The following ALDH1A2 variants were observed in gnomAD, a reference collection of about 807,000 sequenced individuals.
ALDH1A2 encodes the protein aldehyde dehydrogenase 1 family member A2.
ALDH1A2 carries 27 observed loss-of-function variants against 60.3 expected under a neutral mutation model. That is an observed-to-expected ratio of 0.45 (90% CI 0.33 to 0.62). The LOEUF (loss-of-function observed/expected upper bound fraction) is 0.62. Ranked by LOEUF, ALDH1A2 falls within the 20% of genes least tolerant of loss-of-function variation. ALDH1A2 has a pLI of 0.02. For synonymous variants in ALDH1A2, 289 were observed against 232.4 expected (o/e 1.24, Z -2.21); for missense variants, 581 against 643.8 (o/e 0.90, Z 1.06).
At chr15:58,028,095 T>C (rs773535431) in intron 1 of ALDH1A2, among the ~76,000 whole-genome samples, 4 of 151,766 alleles carry the variant, frequency 2.6e-5, no homozygotes, top group Non-Finnish European at 5.9e-5. Flanking sequence ...GACACATAAA[T>C]CGCCAGATTC....
At chr15:58,058,653 A>G (rs1896953698) in intron 1 of ALDH1A2, among the ~76,000 whole-genome samples, 1 of 152,166 alleles carries the variant, frequency 6.6e-6, no homozygotes, top group South Asian at 2.1e-4. Context: ...TAGATAAGAA[A>G]CAGGTGTTTC....
At chr15:58,000,374 A>G (rs148380240) in intron 4 of ALDH1A2, among the ~76,000 whole-genome samples, 244 of 151,868 alleles carry the variant, frequency 1.6e-3, no homozygotes, top group African/African-American at 5.6e-3. Context: ...AGCTACTAAG[A>G]CCCTACTATG....
intron 1 of ALDH1A2, among the ~76,000 whole-genome samples, chr15:58,028,983 T>A (rs1437162622): frequency 6.6e-6 from 1 of 152,024 alleles, no homozygotes; most frequent in African/African-American, 2.4e-5. Context: ...CAATATTAGA[T>A]ACATCTACAA....
At chr15:58,002,415 T>A (rs1223689079) in intron 4 of ALDH1A2, among the ~76,000 whole-genome samples, 1 of 151,970 alleles carries the variant, frequency 6.6e-6, no homozygotes, top group African/African-American at 2.4e-5. Flanking sequence ...TTTGGATAAT[T>A]CATTCAAGGC....
Position 57,960,712 on chromosome 15 carries a change from C to T in ALDH1A2, c.1484+58G>A, listed in dbSNP as rs551528782. On this transcript the variant is annotated intron_variant, in intron 12 of 12. Coordinates refer to ENST00000249750, the MANE Select transcript of ALDH1A2 (RefSeq NM_003888.4). ...TAATTAAACTATTTTTTAAGTACTGCTCTGTGCTGATATTTGCAATCTATT... is the reference window on the plus strand; with the variant it reads ...TAATTAAACTATTTTTTAAGTACTGTTCTGTGCTGATATTTGCAATCTATT... 83 of 1,431,978 alleles carry T rather than the reference C, an allele frequency of 5.8e-5. No individual in the cohort carries two copies. The African/African-American group carries it at 9.7e-4, about 17-fold the overall frequency. The allele number at this position is 1,431,978 out of a possible 1,614,324, so 88.7% of individuals were successfully genotyped here.
intron 12 of ALDH1A2, among the ~76,000 whole-genome samples, chr15:57,956,581 G>A (rs1001653351): frequency 3.3e-5 from 5 of 152,128 alleles, no homozygotes; most frequent in South Asian, 2.1e-4. Flanking sequence ...TCTCCTGTCC[G>A]TATAGTTCAT....
At chr15:57,973,458 A>G (rs2140463674) in intron 7 of ALDH1A2, among the ~76,000 whole-genome samples, 1 of 152,360 alleles carries the variant, frequency 6.6e-6, no homozygotes, top group East Asian at 1.9e-4. Context: ...AGGTAATCAC[A>G]GCAGAAGCCA....
At chr15:57,996,910 C>A (rs1895083094) in intron 4 of ALDH1A2, among the ~76,000 whole-genome samples, 1 of 151,866 alleles carries the variant, frequency 6.6e-6, no homozygotes, top group Non-Finnish European at 1.5e-5. Context: ...TCTTTTCATG[C>A]TTATATTGTT....
At chr15:58,039,751 T>C (rs1432705265) in intron 1 of ALDH1A2, among the ~76,000 whole-genome samples, 1 of 151,632 alleles carries the variant, frequency 6.6e-6, no homozygotes, top group Non-Finnish European at 1.5e-5. Flanking sequence ...ACATTGATTA[T>C]TAAGAGGAAG....
intron 1 of ALDH1A2, chr15:58,057,941 A>G: frequency 1.2e-6 from 1 of 840,900 alleles, no homozygotes; most frequent in Non-Finnish European, 1.6e-6. Context: ...AATTAAAATT[A>G]AATTTTATAA....
intron 1 of ALDH1A2, among the ~76,000 whole-genome samples, chr15:58,040,616 T>A (rs1406856785): frequency 1.3e-5 from 2 of 151,916 alleles, no homozygotes; most frequent in Admixed American, 6.6e-5. Context: ...AACTTGAACC[T>A]TTCCTCTCAA....
intron 1 of ALDH1A2, among the ~76,000 whole-genome samples, chr15:58,018,409 A>T (rs774746729): frequency 2.0e-5 from 3 of 152,150 alleles, no homozygotes; most frequent in Non-Finnish European, 2.9e-5. Context: ...ACTAGATGTG[A>T]AGAGATGATG....
chr15:57,966,865 T>G (rs539135883), intron 7 of ALDH1A2, among the ~76,000 whole-genome samples: 28 of 152,214 alleles, frequency 1.8e-4, no homozygotes, highest in Non-Finnish European at 3.4e-4. Context: ...CCGTGAATGC[T>G]CCCTGGGAAC....
intron 7 of ALDH1A2, among the ~76,000 whole-genome samples, chr15:57,967,257 C>T (rs1893928369): frequency 1.3e-5 from 2 of 151,700 alleles, no homozygotes; most frequent in Admixed American, 1.3e-4. Flanking sequence ...CTTGGATCCT[C>T]CTCTGTAGGG....
intron 1 of ALDH1A2, among the ~76,000 whole-genome samples, chr15:58,048,874 T>C (rs1410458969): frequency 6.6e-6 from 1 of 152,026 alleles, no homozygotes; most frequent in Non-Finnish European, 1.5e-5. Context: ...TGATGAGTTT[T>C]AGCATATGTA....
At chr15:58,045,981 T>C (rs576185144) in intron 1 of ALDH1A2, among the ~76,000 whole-genome samples, 2 of 152,176 alleles carry the variant, frequency 1.3e-5, no homozygotes, top group South Asian at 4.1e-4. Flanking sequence ...TTTGTCAATA[T>C]TTCAAAGCGT....
chr15:58,009,199 C>A (rs1365768315), intron 4 of ALDH1A2, among the ~76,000 whole-genome samples: 1 of 152,092 alleles, frequency 6.6e-6, no homozygotes, highest in African/African-American at 2.4e-5. Flanking sequence ...ACCACACCTA[C>A]ATGAGGCATC....
At chr15:57,963,738 C>T in intron 9 of ALDH1A2, 147 bp downstream of exon 9, 1 of 786,704 alleles carries the variant, frequency 1.3e-6, no homozygotes, top group Non-Finnish European at 2.1e-6. Context: ...CCCTCTCTGG[C>T]TCCATTTCCA....
chr15:58,035,478 T>A lies in ALDH1A2; in HGVS notation c.118-21197A>T, dbSNP rs549279990. 5.3e-5 allele frequency among the ~76,000 whole-genome samples: 8 copies of A among 151,822 alleles called. No homozygotes were observed. The South Asian group carries it at 8.3e-4, about 16-fold the overall frequency. On this transcript the variant is annotated intron_variant, in intron 1 of 12. Coordinates refer to ENST00000249750, the MANE Select transcript of ALDH1A2 (RefSeq NM_003888.4). The stretch of plus-strand genomic sequence containing the variant: ...ATAATTTTTGTTATTTTTTTGTTTC[T>A]GTTTACATTACTCTTCTTTTTCTAG...
Sources: allele counts gnomAD v4.1 joint callset (sites outside exome capture counted in the v4.1 genomes callset), GRCh38; gene constraint gnomAD v4.1.1; transcripts MANE v1.5; gene names NCBI Gene and HGNC (gene_info 2026-07-23, HGNC 2026-07-21).